CDH15: variants seen among roughly 807,000 people sequenced by gnomAD.
The protein encoded by CDH15 is cadherin 15.
Under a neutral mutation model 69.4 loss-of-function variants are expected in CDH15, and 73 were observed. The ratio of observed to expected loss-of-function variants is 1.05; its 90% confidence interval spans 0.87 to 1.28. The LOEUF (loss-of-function observed/expected upper bound fraction) is 1.28. Among genes scored for constraint, CDH15 ranks in the 50% most tolerant of loss-of-function variants. The pLI is 0.00. For missense variants in CDH15, 1,343 were observed against 1,133.6 expected, an observed-to-expected ratio of 1.18 and a Z score of -2.65; for synonymous variants, 624 against 507.7, an observed-to-expected ratio of 1.23 and a Z score of -3.08.
At chr16:89,191,622 G>A in intron 9 of CDH15, 33 bp from the exon 10 acceptor site, 1 of 1,569,222 alleles carries the variant, frequency 6.4e-7, no homozygotes, top group Non-Finnish European at 8.6e-7. Flanking sequence ...CTGGGGTGTT[G>A]GGGTCACTAA....
At chr16:89,172,183 G>A (rs1280376935) in intron 1 of CDH15, among the ~76,000 whole-genome samples, 1 of 152,170 alleles carries the variant, frequency 6.6e-6, no homozygotes, top group Non-Finnish European at 1.5e-5. Context: ...ACCGCTGCCG[G>A]GGTCTGGGGG....
In CDH15 at chr16:89,194,006, C is replaced by G. The variant is rs1027016817; in HGVS notation, c.2151+93C>G. ...CACACCTGCACATGCATGCAAGAAC[C>G]GGCGCCTGCATGCACTTATGGGCCG... On this transcript the variant is annotated intron_variant, in intron 13 of 13. Coordinates refer to ENST00000289746, the MANE Select transcript of CDH15 (RefSeq NM_004933.3). 4 of 1,406,914 alleles carry G rather than the reference C, an allele frequency of 2.8e-6. No homozygotes were observed. The African/African-American group carries it at 4.2e-5, about 15-fold the overall frequency. 87.2% of individuals were successfully genotyped at this position (1,406,914 alleles called of 1,614,324 possible). A position where few individuals can be genotyped will look rare whatever the true frequency, so the allele number is the denominator to read the frequency against.
intron 1 of CDH15, among the ~76,000 whole-genome samples, chr16:89,172,359 G>A (rs188518470): frequency 9.7e-4 from 148 of 152,226 alleles, no homozygotes; most frequent in African/African-American, 3.0e-3. Flanking sequence ...GCCAGCAGGG[G>A]TGGCTGCAGG....
At chr16:89,190,609 G>C (rs1285218958) in intron 8 of CDH15, 113 bp downstream of exon 8, 2 of 1,353,220 alleles carry the variant, frequency 1.5e-6, no homozygotes, top group Non-Finnish European at 2.0e-6. Context: ...GCCATTTGCT[G>C]TGTGGGTTCC....
Position 89,192,339 on chromosome 16 carries a change from A to C in CDH15, c.1750A>C (p.Lys584Gln), listed in dbSNP as rs75791347. Residue 584 changes from lysine (K) to glutamine (Q), a missense_variant, in exon 11 of 14, where the codon AAG becomes CAG. By Grantham distance (53) the Lys-to-Gln change is moderately conservative. Transcript: ENST00000289746. The part of the protein sequence containing the change: ...PLNVTVCRCG[K>Q]DGVCLPGAAA... ...GAACGTGACCGTGTGCCGCTGCGGC[A>C]AGGACGGCGTCTGCCTGCCGGGGGC... The C allele has an allele frequency of 0.43, 658,056 of 1,535,124 alleles. 143,276 individuals are homozygous for C. The highest frequency in any genetic ancestry group is 0.65 in the East Asian group (26,592 of 41,036).
chr16:89,182,382 T>A (rs1160230927), intron 3 of CDH15, among the ~76,000 whole-genome samples: 1 of 150,390 alleles, frequency 6.6e-6, no homozygotes, highest in Non-Finnish European at 1.5e-5. Context: ...GGCTCATGCT[T>A]GTAATCCGAG....
intron 5 of CDH15, chr16:89,185,648 C>T (rs1432617375): frequency 2.2e-6 from 1 of 452,060 alleles, no homozygotes; most frequent in Non-Finnish European, 4.1e-6. Flanking sequence ...TAACTAACTC[C>T]TTCTGTCAGG....
intron 8 of CDH15, among the ~76,000 whole-genome samples, chr16:89,190,718 A>T (rs544607488): frequency 3.1e-4 from 47 of 152,164 alleles, no homozygotes; most frequent in East Asian, 1.2e-3. Context: ...TGTGCACGCC[A>T]GTCTGTCCCT....
chr16:89,195,194 T>G lies in CDH15; in HGVS notation c.*39T>G, dbSNP rs776042319. On this transcript the variant is annotated 3_prime_UTR_variant, in exon 14 of 14. Transcript: ENST00000289746. ...CTGGACATGCCACTCCCCGGCCTCGTGGCAGTGATGGCCCCTGCAGAGGCA... is the reference window on the plus strand; with the variant it reads ...CTGGACATGCCACTCCCCGGCCTCGGGGCAGTGATGGCCCCTGCAGAGGCA... 6 of 1,525,860 alleles carry G rather than the reference T, an allele frequency of 3.9e-6. No homozygotes were observed. Among genetic ancestry groups the G allele is most frequent in the Non-Finnish European group, 4.4e-6 (5 of 1,138,908 alleles). 94.5% of individuals were successfully genotyped at this position (1,525,860 alleles called of 1,614,324 possible). A position where few individuals can be genotyped will look rare whatever the true frequency, so the allele number is the denominator to read the frequency against.
chr16:89,187,412 G>A lies in CDH15; in HGVS notation c.664-17G>A. The A allele has an allele frequency of 6.2e-7, 1 of 1,612,090 alleles. No homozygotes were observed. Among genetic ancestry groups the A allele is most frequent in the South Asian group, 1.1e-5 (1 of 91,054 alleles). On this transcript the variant is annotated splice_polypyrimidine_tract_variant and intron_variant, in intron 5 of 13. Transcript: ENST00000289746. Reference sequence around the variant, plus strand: ...ACCTGGGCCCTCATCTTCTGACCCTGTGCCCCACATCCCCAGGTGGTCGCG... The same window carrying A: ...ACCTGGGCCCTCATCTTCTGACCCTATGCCCCACATCCCCAGGTGGTCGCG...
chr16:89,190,609 G>T, intron 8 of CDH15, 113 bp downstream of exon 8: 1 of 1,353,220 alleles, frequency 7.4e-7, no homozygotes, highest in Non-Finnish European at 1.0e-6. Context: ...GCCATTTGCT[G>T]TGTGGGTTCC....
rs1393584291 is a variant in CDH15, at chr16:89,173,790, G to A, written c.42+1917G>A. Among the ~76,000 whole-genome samples the A allele has an allele frequency of 1.3e-5, 2 of 152,206 alleles. 1 individual carries two copies. Among genetic ancestry groups the A allele is most frequent in the East Asian group, 3.9e-4 (2 of 5,188 alleles). ...TGCTGAGCTCACTCAGCCCCACCCG[G>A]AGGGTGTCTTCAGAACTGGCCCCTC... On this transcript the variant is annotated intron_variant, in intron 1 of 13. Coordinates refer to ENST00000289746, the MANE Select transcript of CDH15 (RefSeq NM_004933.3).
In CDH15 at chr16:89,195,291, G is replaced by A; in HGVS notation, c.*136G>A. On this transcript the variant is annotated 3_prime_UTR_variant, in exon 14 of 14. Transcript: ENST00000289746. ...TTCCTGTAGGCGAGGGCCCAAGTCT[G>A]GGGGCAGAACCTGAGTGTGGATGGG... 2.1e-6 allele frequency: 2 copies of A among 933,472 alleles called. No homozygotes were observed. Among genetic ancestry groups the A allele is most frequent in the South Asian group, 3.6e-5 (2 of 56,308 alleles). The allele number at this position is 933,472 out of a possible 1,614,324, so 57.8% of individuals were successfully genotyped here.
Position 89,171,752 on chromosome 16 carries a change from C to G in CDH15, c.-80C>G. ...CTGTCTCTGGCCCTGGCCCGCCCCG[C>G]GCACTTGCGCTGTCACTCAGCCTGG... On this transcript the variant is annotated 5_prime_UTR_variant, in exon 1 of 14. Transcript: ENST00000289746. The G allele has an allele frequency of 7.1e-7, 1 of 1,398,696 alleles. No homozygotes were observed. Among genetic ancestry groups the G allele is most frequent in the East Asian group, 2.5e-5 (1 of 39,570 alleles). 86.6% of individuals were successfully genotyped at this position (1,398,696 alleles called of 1,614,324 possible).
Position 89,192,032 on chromosome 16 carries a change from C to T in CDH15, c.1615+138C>T, listed in dbSNP as rs973292581. 18 of 1,155,624 alleles carry T rather than the reference C, an allele frequency of 1.6e-5. No individual in the cohort carries two copies. In the South Asian group the frequency reaches 1.9e-4, roughly 12 times the overall value. The allele number at this position is 1,155,624 out of a possible 1,614,324, so 71.6% of individuals were successfully genotyped here. A position where few individuals can be genotyped will look rare whatever the true frequency, so the allele number is the denominator to read the frequency against. On this transcript the variant is annotated intron_variant, in intron 10 of 13. Transcript: ENST00000289746. ...ACAGGTCCCCTCCCGCCACCCCCCCCACCACTGCATCCTCCCGTGGGGCAG... is the reference window on the plus strand; with the variant it reads ...ACAGGTCCCCTCCCGCCACCCCCCCTACCACTGCATCCTCCCGTGGGGCAG...
In CDH15 at chr16:89,195,183, C is replaced by T; in HGVS notation, c.*28C>T. On this transcript the variant is annotated 3_prime_UTR_variant, in exon 14 of 14. Transcript: ENST00000289746. Reference sequence around the variant, plus strand: ...CTGGGGCGCAACTGGACATGCCACTCCCCGGCCTCGTGGCAGTGATGGCCC... The same window carrying T: ...CTGGGGCGCAACTGGACATGCCACTTCCCGGCCTCGTGGCAGTGATGGCCC... 4.5e-6 allele frequency: 7 copies of T among 1,547,122 alleles called. No homozygotes were observed. Among genetic ancestry groups the T allele is most frequent in the South Asian group, 2.4e-5 (2 of 82,424 alleles).
In CDH15 at chr16:89,179,495, G is replaced by C. The variant is rs770293522; in HGVS notation, c.122G>C (p.Ser41Thr). The C allele has an allele frequency of 6.2e-7, 1 of 1,613,430 alleles. No individual in the cohort carries two copies. Among genetic ancestry groups the C allele is most frequent in the Non-Finnish European group, 8.5e-7 (1 of 1,179,886 alleles). The change falls in exon 2 of 14, where the codon AGC (serine) becomes ACC (threonine). Residue 41 changes from serine to threonine, a missense_variant. Physicochemically the swap from Ser to Thr is moderately conservative, Grantham distance 58. Coordinates refer to ENST00000289746, the MANE Select transcript of CDH15 (RefSeq NM_004933.3). ...CCCTGGCGCCGGGCGCCTGCCCTGAGCCGCGTGCGGAGGGCCTGGGTCATC... is the reference window on the plus strand; with the variant it reads ...CCCTGGCGCCGGGCGCCTGCCCTGACCCGCGTGCGGAGGGCCTGGGTCATC... ...LYPWRRAPAL[S>T]RVRRAWVIPP...
chr16:89,178,651 G>C (rs757161391), intron 1 of CDH15, among the ~76,000 whole-genome samples: 3 of 152,122 alleles, frequency 2.0e-5, no homozygotes, highest in African/African-American at 4.8e-5. Flanking sequence ...GACGTGTTGG[G>C]ACCTGACAGA....
rs772652986 is a variant in CDH15 at position 89,191,350 on chromosome 16, C to T, written c.1253C>T (p.Pro418Leu). ...QRLSYSKDYD[P>L]EDWLQVDAAT... Reference sequence around the variant, plus strand: ...ATCAGCTACTCCAAGGACTACGACCCGGAAGACTGGCTGCAAGTGGACGCA... The same window carrying T: ...ATCAGCTACTCCAAGGACTACGACCTGGAAGACTGGCTGCAAGTGGACGCA... Residue 418 changes from proline to leucine, a missense_variant, in exon 9 of 14, where the codon CCG (proline) becomes CTG (leucine). Transcript: ENST00000289746. 11 of 1,612,810 alleles carry T rather than the reference C, an allele frequency of 6.8e-6. 1 individual carries two copies. Among genetic ancestry groups the T allele is most frequent in the Admixed American group, 5.0e-5 (3 of 60,012 alleles).
Sources: allele counts gnomAD v4.1 joint callset (sites outside exome capture counted in the v4.1 genomes callset), GRCh38; gene constraint gnomAD v4.1.1; transcripts MANE v1.5; gene names NCBI Gene and HGNC (gene_info 2026-07-23, HGNC 2026-07-21).